JMJD1C: variants seen among roughly 807,000 people sequenced by gnomAD.
JMJD1C encodes jumonji domain-containing protein 1C.
A neutral mutation model predicts 245.3 loss-of-function variants in JMJD1C; 31 were observed. The observed-to-expected ratio is 0.13, with a 90% CI of 0.09 to 0.17. The LOEUF (loss-of-function observed/expected upper bound fraction) is 0.17. JMJD1C is among the 10% of genes least tolerant of loss of function. The pLI, the probability that JMJD1C is intolerant of heterozygous loss-of-function variation, is 1.00. For synonymous variants in JMJD1C, 1,057 were observed against 1,017.4 expected (o/e 1.04, Z -0.74); for missense variants, 2,691 against 3,000.2 (o/e 0.90, Z 2.41).
At chr10:63,355,691 C>A (rs1462085127) in intron 2 of JMJD1C, among the ~76,000 whole-genome samples, 3 of 151,682 alleles carry the variant, frequency 2.0e-5, no homozygotes, top group Non-Finnish European at 4.4e-5. Flanking sequence ...GAAAGATATG[C>A]AAAGATGATT....
At chr10:63,243,317 G>T (rs9415673) in intron 3 of JMJD1C, among the ~76,000 whole-genome samples, 1 of 151,484 alleles carries the variant, frequency 6.6e-6, no homozygotes, top group Non-Finnish European at 1.5e-5. Context: ...ACCTGAGGTC[G>T]GGAGCTCGGG....
At chr10:63,495,188 AC>A (rs1954317519) in intron 1 of JMJD1C, among the ~76,000 whole-genome samples, 1 of 151,622 alleles carries the variant, frequency 6.6e-6, no homozygotes, top group South Asian at 2.1e-4. Context: ...ACCATTTCTC[AC>A]TCAAAGGAAC....
intron 2 of JMJD1C, among the ~76,000 whole-genome samples, chr10:63,357,747 A>G (rs778612705): frequency 1.3e-5 from 2 of 152,264 alleles, no homozygotes; most frequent in Middle Eastern, 3.4e-3. Flanking sequence ...GTATTCAAAT[A>G]TATTTATTGA....
intron 2 of JMJD1C, among the ~76,000 whole-genome samples, chr10:63,287,563 A>G (rs1022823521): frequency 1.2e-4 from 19 of 152,244 alleles, no homozygotes; most frequent in African/African-American, 3.9e-4. Context: ...TAAAAGAAAT[A>G]GAAATGTTTA....
chr10:63,212,138 C>A (rs1469864715), intron 8 of JMJD1C, among the ~76,000 whole-genome samples: 3 of 152,020 alleles, frequency 2.0e-5, no homozygotes, highest in Non-Finnish European at 2.9e-5. Flanking sequence ...ACCATAGAAA[C>A]AGAAGAAAGG....
chr10:63,193,263 C>A, intron 15 of JMJD1C, 82 bp downstream of exon 15: 2 of 1,492,562 alleles, frequency 1.3e-6, no homozygotes, highest in African/African-American at 1.4e-5. Flanking sequence ...ATACATAAGT[C>A]CTAAACCAAA....
chr10:63,456,512 G>C lies in JMJD1C; in HGVS notation c.168+8983C>G, dbSNP rs560952378. ...ACATTAACATACTGCTTCCTTCTTTGATATTCCTCTGAGCCTAAAGATTTT... is the reference window on the plus strand; with the variant it reads ...ACATTAACATACTGCTTCCTTCTTTCATATTCCTCTGAGCCTAAAGATTTT... On this transcript the variant is annotated intron_variant, in intron 1 of 25. Transcript: ENST00000399262. Among the ~76,000 whole-genome samples, 14 of 152,078 alleles carry C rather than the reference G, an allele frequency of 9.2e-5. No individual in the cohort carries two copies. The South Asian group carries it at 2.9e-3, about 32-fold the overall frequency.
rs1226258046 is a variant in JMJD1C, at chr10:63,207,539, T to C, written c.4130A>G (p.Gln1377Arg). Reference protein sequence around the residue: ...KSEKNFQAVSQGSVPSSVMSA... With the variant: ...KSEKNFQAVSRGSVPSSVMSA... ...CATGACTGAACTGGGAACACTGCCC[T>C]GTGAGACAGCCTGAAAGTTTTTTTC... The change falls in exon 10 of 26, where the codon CAG (glutamine) becomes CGG (arginine). Residue 1377 changes from glutamine to arginine, a missense_variant. This residue lies in a region of JMJD1C where 1,562 missense variants were observed against 1,490.7 expected (regional missense o/e 1.05). Transcript: ENST00000399262. 3 of 1,614,110 alleles carry C rather than the reference T, an allele frequency of 1.9e-6. No individual in the cohort carries two copies. The highest frequency in any genetic ancestry group is 2.5e-6 in the Non-Finnish European group (3 of 1,180,028).
At chr10:63,371,813 A>G (rs572000441) in intron 2 of JMJD1C, among the ~76,000 whole-genome samples, 1 of 152,184 alleles carries the variant, frequency 6.6e-6, no homozygotes, top group African/African-American at 2.4e-5. Flanking sequence ...GTATAATTTG[A>G]TCTCTTAAAG....
chr10:63,189,073 T>G, intron 18 of JMJD1C, 95 bp downstream of exon 18: 2 of 1,043,276 alleles, frequency 1.9e-6, no homozygotes, highest in Non-Finnish European at 2.7e-6. Context: ...ACCACTATTT[T>G]TCCCCCCTCC....
chr10:63,418,008 A>G (rs7908929), intron 1 of JMJD1C, among the ~76,000 whole-genome samples: 149,833 of 152,314 alleles, frequency 0.98, 73,727 homozygotes, highest in Middle Eastern at 1. Flanking sequence ...TTGAGACTGC[A>G]TTAAATATTT....
At chr10:63,193,503 AT>A in intron 14 of JMJD1C, 31 bp from the exon 15 acceptor site, 2 of 1,516,800 alleles carry the variant, frequency 1.3e-6, no homozygotes, top group Non-Finnish European at 1.8e-6. Flanking sequence ...TAATAAAAAG[AT>A]TACCACTAGT....
intron 10 of JMJD1C, chr10:63,203,197 C>A (rs1197312764): frequency 2.0e-6 from 2 of 984,552 alleles, no homozygotes; most frequent in African/African-American, 1.7e-5. Flanking sequence ...CAACTAACTC[C>A]TTTTATGAAT....
At chr10:63,351,286 C>T (rs931101442) in intron 2 of JMJD1C, among the ~76,000 whole-genome samples, 1 of 151,926 alleles carries the variant, frequency 6.6e-6, no homozygotes, top group Admixed American at 6.6e-5. Context: ...GTATTATTCA[C>T]AATGTTGGCC....
chr10:63,435,358 T>C (rs369027981), intron 1 of JMJD1C, among the ~76,000 whole-genome samples: 6 of 152,042 alleles, frequency 3.9e-5, no homozygotes, highest in South Asian at 2.1e-4. Context: ...GGCTGAATAA[T>C]TGAAAAGTGG....
chr10:63,412,058 G>C (rs1949518511), intron 1 of JMJD1C, among the ~76,000 whole-genome samples: 1 of 151,852 alleles, frequency 6.6e-6, no homozygotes, highest in South Asian at 2.1e-4. Flanking sequence ...ACCATGCCCA[G>C]CCAAAAATGT....
chr10:63,473,887 A>T (rs1005258726), intron 1 of JMJD1C, among the ~76,000 whole-genome samples: 2 of 151,790 alleles, frequency 1.3e-5, no homozygotes, highest in Non-Finnish European at 2.9e-5. Flanking sequence ...TACTAAAAAT[A>T]CAAAAATTAG....
At chr10:63,463,955 G>A (rs1356474433) in intron 1 of JMJD1C, among the ~76,000 whole-genome samples, 2 of 151,990 alleles carry the variant, frequency 1.3e-5, no homozygotes, top group African/African-American at 4.8e-5. Flanking sequence ...CCAACTAAGA[G>A]AGCAATTAAG....
chr10:63,189,533 C>A, intron 17 of JMJD1C, 87 bp from the exon 18 acceptor site: 1 of 1,099,360 alleles, frequency 9.1e-7, no homozygotes, highest in Non-Finnish European at 1.3e-6. Flanking sequence ...TTTTTTTAAA[C>A]AATATCCCTA....
Sources: gnomAD v4.1 joint callset for allele counts (sites outside exome capture counted in the v4.1 genomes callset) on GRCh38, gnomAD v4.1.1 for gene constraint, gnomAD v4.1.1 regional missense constraint, MANE v1.5 for transcripts, NCBI Gene and HGNC (gene_info 2026-07-23, HGNC 2026-07-21) for gene names.